Variants in MOV10L1 observed in about 807,000 individuals in gnomAD.
MOV10L1 encodes RNA helicase Mov10l1.
MOV10L1 carries 110 observed loss-of-function variants against 143.8 expected under a neutral mutation model. The observed-to-expected ratio is 0.76, with a 90% CI of 0.66 to 0.90. MOV10L1 has a LOEUF of 0.90. Ranked by LOEUF, MOV10L1 falls within the 40% of genes least tolerant of loss-of-function variation. MOV10L1 has a pLI of 0.00. For missense variants in MOV10L1, 1,406 were observed against 1,526.8 expected (o/e 0.92, Z 1.32); for synonymous variants, 593 against 581.1 (o/e 1.02, Z -0.29).
At chr22:50,107,428 T>C (rs2061902357) in intron 3 of MOV10L1, among the ~76,000 whole-genome samples, 1 of 152,246 alleles carries the variant, frequency 6.6e-6, no homozygotes, top group African/African-American at 2.4e-5. Context: ...AGCTGCTATT[T>C]GTGCTGTTAC....
In MOV10L1 at chr22:50,158,455, AT is replaced by A. The variant is rs2063481576; in HGVS notation, c.3216+252del. The A allele has an allele frequency of 1.2e-5, 6 of 508,626 alleles. No individual in the cohort carries two copies. The highest frequency in any genetic ancestry group is 2.1e-5 in the Non-Finnish European group (6 of 288,182). The allele number at this position is 508,626 out of a possible 1,614,324, so 31.5% of individuals were successfully genotyped here. A position where few individuals can be genotyped will look rare whatever the true frequency, so the allele number is the denominator to read the frequency against. ...AGTTTTTACATTTCTAAATGGTTAC[AT>A]TTATATGTCCCTTGATATTTGGCCC... On this transcript the variant is annotated intron_variant, in intron 23 of 26. Transcript: ENST00000262794. This position sits in a 1 kb window ranked among gnomAD's most constrained non-coding sequence, Gnocchi z 5.0.
At chr22:50,097,300 G>A (rs1298289967) in intron 2 of MOV10L1, among the ~76,000 whole-genome samples, 2 of 151,946 alleles carry the variant, frequency 1.3e-5, no homozygotes, top group Non-Finnish European at 2.9e-5. Flanking sequence ...GTAGAGATGG[G>A]GCCTCTCTAT....
Position 50,125,456 on chromosome 22 carries a change from C to T in MOV10L1, c.1634C>T (p.Ala545Val), listed in dbSNP as rs773934699. The T allele has an allele frequency of 1.1e-5, 18 of 1,613,998 alleles. No homozygotes were observed. The highest frequency in any genetic ancestry group is 1.4e-5 in the Non-Finnish European group (17 of 1,180,004). Residue 545 changes from alanine to valine, a missense_variant, in exon 11 of 27, where the codon GCA becomes GTA. Physicochemically the swap from Ala to Val is moderately conservative, Grantham distance 64 (BLOSUM62 0). This residue lies in a region of MOV10L1 where 1,233 missense variants were observed against 1,351.4 expected (regional missense o/e 0.91). Transcript: ENST00000262794. ...STLLWLEEIY[A>V]EMELKEYNMS... ...TTGCTGTGGCTTGAGGAGATTTATG[C>T]AGAAATGGAACTGAAAGAGTATAAC...
chr22:50,145,891 G>T, intron 19 of MOV10L1, 81 bp downstream of exon 19: 2 of 1,577,930 alleles, frequency 1.3e-6, no homozygotes, highest in Non-Finnish European at 1.7e-6. Flanking sequence ...TCTGAGGGGC[G>T]GATGACCCAG....
At position 50,108,858 on chromosome 22, in the gene MOV10L1, T is replaced by C; in HGVS notation, c.743+14T>C. On this transcript the variant is annotated intron_variant, in intron 5 of 26. Transcript: ENST00000262794. The stretch of plus-strand genomic sequence containing the variant: ...AGTGAAGAGGCGGTAAGAAAATGCT[T>C]TTCTGGCCAGGTGCGGTGGCTAACG... 2 of 1,613,192 alleles carry C rather than the reference T, an allele frequency of 1.2e-6. No homozygotes were observed. Among genetic ancestry groups the C allele is most frequent in the Non-Finnish European group, 1.7e-6 (2 of 1,179,382 alleles).
rs1288059636 is a variant in MOV10L1, at chr22:50,143,243, G to C, written c.2358+22G>C. The C allele has an allele frequency of 1.9e-6, 3 of 1,611,852 alleles. No homozygotes were observed. In the Admixed American group the frequency reaches 5.0e-5, roughly 27 times the overall value. On this transcript the variant is annotated intron_variant, in intron 17 of 26. Coordinates refer to ENST00000262794, the MANE Select transcript of MOV10L1 (RefSeq NM_018995.3). ...ACAGGTAAGGACAGCGGCGCCGCGG[G>C]TGCTGTGGCTCTGTGCTGCTGTTCA...
rs766219749 is a variant in MOV10L1 at position 50,144,080 on chromosome 22, G to A, written c.2359-17G>A. 6.2e-7 allele frequency: 1 copy of A among 1,601,172 alleles called. No homozygotes were observed. Among genetic ancestry groups the A allele is most frequent in the Non-Finnish European group, 8.6e-7 (1 of 1,169,032 alleles). ...TGTGGATGTTGAGCCTTGGTCTCTT[G>A]TGTGTCTTTGATGAAGGTACACTTT... On this transcript the variant is annotated splice_polypyrimidine_tract_variant and intron_variant, in intron 17 of 26. Transcript: ENST00000262794.
chr22:50,096,890 A>G (rs2062603425), intron 2 of MOV10L1, among the ~76,000 whole-genome samples: 1 of 152,104 alleles, frequency 6.6e-6, no homozygotes, highest in African/African-American at 2.4e-5. Flanking sequence ...CACATACATG[A>G]TTTGCAAATA....
chr22:50,160,759 T>C lies in MOV10L1; in HGVS notation c.3396T>C (p.Phe1132=). 6.2e-7 allele frequency: 1 copy of C among 1,614,176 alleles called. No individual in the cohort carries two copies. The highest frequency in any genetic ancestry group is 8.5e-7 in the Non-Finnish European group (1 of 1,180,030). ...GTTTCTTGTCCAACTCAAAAAGATT[T>C]AATGTTGCAATCACCAGACCCAAAG... is the stretch of plus-strand genomic sequence containing the variant. The part of the protein sequence containing the change: ...FLGFLSNSKR[F]NVAITRPKAL... Residue 1132 remains phenylalanine, a synonymous_variant, in exon 25 of 27, where the codon TTT becomes TTC. Transcript: ENST00000262794.
intron 12 of MOV10L1, among the ~76,000 whole-genome samples, chr22:50,126,503 T>C (rs2062510686): frequency 6.6e-6 from 1 of 152,244 alleles, no homozygotes; most frequent in African/African-American, 2.4e-5. Flanking sequence ...ATGTAAGTCA[T>C]GAGGTTTGCG....
chr22:50,091,456 G>A, intron 1 of MOV10L1: 1 of 160,352 alleles, frequency 6.2e-6, no homozygotes. Flanking sequence ...CGAGGCTGCT[G>A]CTGATGGTAA....
chr22:50,109,423 A>G (rs1236184282), intron 5 of MOV10L1, among the ~76,000 whole-genome samples: 3 of 151,468 alleles, frequency 2.0e-5, no homozygotes, highest in Admixed American at 1.3e-4. Flanking sequence ...TAATCTCAGC[A>G]CTCTGGGAGG....
intron 13 of MOV10L1, among the ~76,000 whole-genome samples, chr22:50,133,192 C>T (rs2062725791): frequency 6.6e-6 from 1 of 152,102 alleles, no homozygotes; most frequent in Non-Finnish European, 1.5e-5. Context: ...GTCTTAGGGG[C>T]AGGGCTGTCA....
intron 5 of MOV10L1, among the ~76,000 whole-genome samples, chr22:50,109,149 A>G (rs1778461505): frequency 1.3e-5 from 2 of 152,138 alleles, no homozygotes; most frequent in Admixed American, 6.5e-5. Flanking sequence ...TCTCAAAAAA[A>G]GAAAACGCTT....
intron 12 of MOV10L1, among the ~76,000 whole-genome samples, chr22:50,126,701 TTACTGGTCATG>T (rs1314093808): frequency 4.2e-4 from 64 of 152,278 alleles, no homozygotes; most frequent in Non-Finnish European, 6.0e-4. Flanking sequence ...GGGCTGGACT[TTACTGGTCATG>T]TACTGGTCAT....
intron 12 of MOV10L1, among the ~76,000 whole-genome samples, chr22:50,127,300 A>G (rs2062536516): frequency 6.6e-6 from 1 of 152,238 alleles, no homozygotes; most frequent in South Asian, 2.1e-4. Flanking sequence ...CCGGGCCTCC[A>G]TGCCATTGAT....
chr22:50,126,673 G>A (rs1353958480), intron 12 of MOV10L1, among the ~76,000 whole-genome samples: 1 of 152,128 alleles, frequency 6.6e-6, no homozygotes, highest in East Asian at 1.9e-4. Context: ...GTTCTGCATG[G>A]GGTGGTCTGT....
chr22:50,160,364 A>G (rs1602382419), intron 24 of MOV10L1, among the ~76,000 whole-genome samples: 1 of 147,968 alleles, frequency 6.8e-6, no homozygotes, highest in South Asian at 2.1e-4. Flanking sequence ...CTCCTGCCTC[A>G]GCCTCTCGAG....
chr22:50,101,763 C>T (rs953741555), intron 3 of MOV10L1, among the ~76,000 whole-genome samples: 12 of 152,128 alleles, frequency 7.9e-5, no homozygotes, highest in East Asian at 7.7e-4. Flanking sequence ...TCACCCACCT[C>T]GGCCTCCCAA....
Sources: gnomAD v4.1 joint callset for allele counts (sites outside exome capture counted in the v4.1 genomes callset) on GRCh38, gnomAD v4.1.1 for gene constraint, gnomAD v4.1.1 regional missense constraint, Gnocchi (gnomAD v3.1) non-coding constraint, MANE v1.5 for transcripts, NCBI Gene and HGNC (gene_info 2026-07-23, HGNC 2026-07-21) for gene names.